The following STXBP6 variants were observed in gnomAD, a reference collection of about 807,000 sequenced individuals.
STXBP6 encodes syntaxin-binding protein 6.
STXBP6 carries 21 observed loss-of-function variants against 26.9 expected under a neutral mutation model. That is an observed-to-expected ratio of 0.78 (90% confidence interval 0.55 to 1.12). The LOEUF (loss-of-function observed/expected upper bound fraction) is 1.12, where lower values mean the gene tolerates loss of function less well. STXBP6 is among the 50% of genes most tolerant of loss of function. The pLI is 0.00. For synonymous variants in STXBP6, 97 were observed against 92.6 expected (o/e 1.05, Z -0.27); for missense variants, 232 against 257.9 (o/e 0.90, Z 0.69).
intron 1 of STXBP6, among the ~76,000 whole-genome samples, chr14:25,045,833 C>A (rs1182662868): frequency 6.6e-6 from 1 of 152,056 alleles, no homozygotes; most frequent in East Asian, 1.9e-4. Flanking sequence ...CTCTTGAACT[C>A]CTGACCTCAG....
At chr14:24,934,483 G>C (rs539024477) in intron 2 of STXBP6, among the ~76,000 whole-genome samples, 1 of 152,098 alleles carries the variant, frequency 6.6e-6, no homozygotes, top group East Asian at 1.9e-4. Context: ...ATGAAAGAAC[G>C]TAAGGACAAA....
intron 5 of STXBP6, among the ~76,000 whole-genome samples, chr14:24,815,073 GA>G (rs1306418175): frequency 5.3e-5 from 8 of 152,180 alleles, no homozygotes. Context: ...AGGAGCGTTA[GA>G]ATATGGAAGG....
chr14:25,043,821 C>T (rs950938856), intron 1 of STXBP6, among the ~76,000 whole-genome samples: 7 of 152,180 alleles, frequency 4.6e-5, no homozygotes, highest in African/African-American at 1.4e-4. Context: ...GGATGTACCA[C>T]ATTTTGTTTA....
At chr14:24,932,748 C>G (rs971742616) in intron 2 of STXBP6, among the ~76,000 whole-genome samples, 2 of 151,968 alleles carry the variant, frequency 1.3e-5, no homozygotes, top group Admixed American at 6.6e-5. Flanking sequence ...CTCTTGCTGG[C>G]TGATTAGATG....
At chr14:24,985,628 C>T (rs1394310506) in intron 1 of STXBP6, among the ~76,000 whole-genome samples, 2 of 152,204 alleles carry the variant, frequency 1.3e-5, no homozygotes, top group Admixed American at 6.5e-5. Flanking sequence ...AGCAGCAATG[C>T]CCTGAGTTTC....
chr14:24,882,272 G>A (rs1360196347), intron 2 of STXBP6, among the ~76,000 whole-genome samples: 3 of 146,842 alleles, frequency 2.0e-5, no homozygotes, highest in Non-Finnish European at 3.0e-5. Flanking sequence ...CCAGCTACTT[G>A]GGAGGCTGAG....
chr14:24,951,667 A>G (rs1009482400), intron 2 of STXBP6, among the ~76,000 whole-genome samples: 30 of 152,202 alleles, frequency 2.0e-4, no homozygotes, highest in African/African-American at 6.8e-4. Context: ...GCTTTACTGT[A>G]TAATTTTTGG....
intron 4 of STXBP6, among the ~76,000 whole-genome samples, chr14:24,827,150 G>A (rs1179825376): frequency 6.6e-6 from 1 of 152,172 alleles, no homozygotes; most frequent in African/African-American, 2.4e-5. Flanking sequence ...TCTGTGAGCT[G>A]AGATGGAGCC....
In STXBP6 at chr14:24,953,724, A is replaced by G. The variant is rs1004887974; in HGVS notation, c.154+20941T>C. ...ATTATCTTAATTTTTGTCCACAGTAAGATCTCAACAAAGATTTTTATAAAT... is the reference window on the plus strand; with the variant it reads ...ATTATCTTAATTTTTGTCCACAGTAGGATCTCAACAAAGATTTTTATAAAT... On this transcript the variant is annotated intron_variant, in intron 2 of 5. Transcript: ENST00000323944. Among the ~76,000 whole-genome samples, 4 of 152,224 alleles carry G rather than the reference A, an allele frequency of 2.6e-5. No homozygotes were observed. In the East Asian group the frequency reaches 7.7e-4, roughly 29 times the overall value.
intron 1 of STXBP6, among the ~76,000 whole-genome samples, chr14:25,001,160 GC>G (rs1420831190): frequency 6.6e-6 from 1 of 152,070 alleles, no homozygotes; most frequent in African/African-American, 2.4e-5. Flanking sequence ...CTGTCTTTTT[GC>G]CTCTGCCTTT....
chr14:24,846,868 T>C (rs2068981795), intron 4 of STXBP6, among the ~76,000 whole-genome samples: 1 of 152,166 alleles, frequency 6.6e-6, no homozygotes, highest in Non-Finnish European at 1.5e-5. Flanking sequence ...AGAAACATGG[T>C]TAAAATTTTT....
In STXBP6 at chr14:24,821,445, T is replaced by C. The variant is rs542720785; in HGVS notation, c.452-2251A>G. Among the ~76,000 whole-genome samples, 183 of 152,314 alleles carry C rather than the reference T, an allele frequency of 1.2e-3. 3 individuals are homozygous for C. Among genetic ancestry groups the C allele is most frequent in the Middle Eastern group, 0.01 (3 of 294 alleles). ...TAACATCACACTCAGTTTTATATGA[T>C]ACTGTTTAACAGGAGACATTATAAC... On this transcript the variant is annotated intron_variant, in intron 4 of 5. Coordinates refer to ENST00000323944, the MANE Select transcript of STXBP6 (RefSeq NM_001394410.1).
At chr14:24,904,160 A>C (rs1234885301) in intron 2 of STXBP6, among the ~76,000 whole-genome samples, 2 of 152,154 alleles carry the variant, frequency 1.3e-5, no homozygotes, top group Non-Finnish European at 2.9e-5. Context: ...GAGAACCAAA[A>C]CAAGTAAGAA....
At chr14:24,969,933 A>G (rs1595217111) in intron 2 of STXBP6, among the ~76,000 whole-genome samples, 2 of 152,134 alleles carry the variant, frequency 1.3e-5, no homozygotes, top group East Asian at 1.9e-4. Flanking sequence ...GCGACTCTGT[A>G]AAAGTGTTTC....
At chr14:24,913,192 C>T (rs1422615628) in intron 2 of STXBP6, among the ~76,000 whole-genome samples, 1 of 152,150 alleles carries the variant, frequency 6.6e-6, no homozygotes, top group African/African-American at 2.4e-5. Flanking sequence ...GTTATGGTCA[C>T]ACATTCCTTC....
intron 2 of STXBP6, among the ~76,000 whole-genome samples, chr14:24,873,239 T>G (rs1395647696): frequency 1.3e-5 from 2 of 152,102 alleles, no homozygotes; most frequent in Admixed American, 1.3e-4. Flanking sequence ...TTTGCTATTC[T>G]AGGCAAAATA....
At chr14:25,013,499 CACA>C (rs2075079148) in intron 1 of STXBP6, among the ~76,000 whole-genome samples, 1 of 151,744 alleles carries the variant, frequency 6.6e-6, no homozygotes, top group African/African-American at 2.4e-5. Context: ...CACACACACA[CACA>C]CCCCTAAAGG....
intron 4 of STXBP6, among the ~76,000 whole-genome samples, chr14:24,826,643 C>T (rs984253973): frequency 6.6e-5 from 10 of 152,152 alleles, no homozygotes; most frequent in African/African-American, 2.4e-4. Flanking sequence ...ATGTTTCCTC[C>T]AGTTGGCCAT....
chr14:25,013,081 G>T (rs2140388695), intron 1 of STXBP6, among the ~76,000 whole-genome samples: 1 of 152,218 alleles, frequency 6.6e-6, no homozygotes, highest in East Asian at 1.9e-4. Flanking sequence ...GACAGAGAAA[G>T]ACCCCACCTC....
Sources: gnomAD v4.1 joint callset for allele counts (sites outside exome capture counted in the v4.1 genomes callset) on GRCh38, gnomAD v4.1.1 for gene constraint, MANE v1.5 for transcripts, NCBI Gene and HGNC (gene_info 2026-07-23, HGNC 2026-07-21) for gene names.